GPR155: variants seen among roughly 807,000 people sequenced by gnomAD.
The protein encoded by GPR155 is G protein-coupled receptor 155.
GPR155 carries 65 observed loss-of-function variants against 93.1 expected under a neutral mutation model. The observed-to-expected ratio is 0.70, with a 90% CI of 0.57 to 0.86. The LOEUF is 0.86. Among genes scored for constraint, GPR155 ranks in the 40% least tolerant of loss-of-function variants. The pLI is 0.00. For missense variants in GPR155, 838 were observed against 1,034.8 expected (o/e 0.81, Z 2.61); for synonymous variants, 319 against 360.1 (o/e 0.89, Z 1.29).
Position 174,469,068 on chromosome 2 carries a change from C to A in GPR155, c.1027-1G>T. The A allele has an allele frequency of 1.2e-6, 2 of 1,612,750 alleles. No individual in the cohort carries two copies. The highest frequency in any genetic ancestry group is 1.7e-6 in the Non-Finnish European group (2 of 1,179,234). On this transcript the variant is annotated splice_acceptor_variant, in intron 4 of 15. Transcript: ENST00000392552. LOFTEE classifies it high-confidence loss of function. ...TGCTTATCACCATCCCTGAGGTTAT[C>A]TGCAAAAATGAAATCAAACAGAGGA...
chr2:174,459,821 G>A, intron 10 of GPR155, 57 bp downstream of exon 10: 2 of 1,321,040 alleles, frequency 1.5e-6, no homozygotes, highest in South Asian at 2.5e-5. Flanking sequence ...CTCCAGCCGG[G>A]ATGATAGAGC....
intron 2 of GPR155, among the ~76,000 whole-genome samples, chr2:174,475,294 C>A (rs1490943886): frequency 4.7e-5 from 3 of 64,314 alleles, no homozygotes; most frequent in East Asian, 5.2e-4. Flanking sequence ...GACTCCGTCT[C>A]AAAAAAAAAA....
In GPR155 at chr2:174,431,696, T is replaced by TA. The variant is rs1686649384; in HGVS notation, c.*4419dup. On this transcript the variant is annotated 3_prime_UTR_variant, in exon 16 of 16. Transcript: ENST00000392552. ...CTCCAGCCATCACTCATGACAGGACTACCTATGTGCAGTGGCCTAAAGTAA... is the reference window on the plus strand; with the variant it reads ...CTCCAGCCATCACTCATGACAGGACTAACCTATGTGCAGTGGCCTAAAGTAA... 6.6e-6 allele frequency: 1 copy of TA among 152,214 alleles called. No homozygotes were observed. Among genetic ancestry groups the TA allele is most frequent in the African/African-American group, 2.4e-5 (1 of 41,460 alleles). 9.4% of individuals were successfully genotyped at this position (152,214 alleles called of 1,614,324 possible). A position where few individuals can be genotyped will look rare whatever the true frequency, so the allele number is the denominator to read the frequency against.
rs766535261 is a variant in GPR155, at chr2:174,481,468, A to C, written c.460+29T>G. The C allele has an allele frequency of 3.0e-6, 4 of 1,327,040 alleles. No individual in the cohort carries two copies. The South Asian group carries it at 5.5e-5, about 18-fold the overall frequency. 82.2% of individuals were successfully genotyped at this position (1,327,040 alleles called of 1,614,324 possible). A position where few individuals can be genotyped will look rare whatever the true frequency, so the allele number is the denominator to read the frequency against. ...TAAATAAATTAAAATTGAATTTTTTAAACACTTGAAAAATAAAAATTAACT... is the reference window on the plus strand; with the variant it reads ...TAAATAAATTAAAATTGAATTTTTTCAACACTTGAAAAATAAAAATTAACT... On this transcript the variant is annotated intron_variant, in intron 2 of 15. Coordinates refer to ENST00000392552, the MANE Select transcript of GPR155 (RefSeq NM_152529.7).
At chr2:174,445,020 C>A in intron 13 of GPR155, 61 bp downstream of exon 13, 2 of 812,218 alleles carry the variant, frequency 2.5e-6, no homozygotes, top group South Asian at 2.8e-5. Context: ...TCCCCCGACC[C>A]CCTACCAATC....
intron 1 of GPR155, 90 bp downstream of exon 1, chr2:174,486,783 C>G (rs1317582975): frequency 6.5e-6 from 1 of 153,216 alleles, no homozygotes; most frequent in Admixed American, 6.5e-5. Context: ...TGCCCACGTG[C>G]CCAGGCCTGA....
chr2:174,481,378 A>G (rs1249062282), intron 2 of GPR155, 119 bp downstream of exon 2: 2 of 633,396 alleles, frequency 3.2e-6, no homozygotes, highest in Middle Eastern at 8.5e-4. Context: ...ATCCTAAGAC[A>G]TATTTGAGAA....
rs1311585851 is a variant in GPR155 at position 174,436,053 on chromosome 2, A to G, written c.*63T>C. ...TCTGTTAACTTGCCCAAGGTCACCC[A>G]GCTAAAAACTAATGAATACGCGGCT... On this transcript the variant is annotated 3_prime_UTR_variant, in exon 16 of 16. Coordinates refer to ENST00000392552, the MANE Select transcript of GPR155 (RefSeq NM_152529.7). 2.1e-6 allele frequency: 3 copies of G among 1,404,798 alleles called. No homozygotes were observed. In the East Asian group the frequency reaches 6.9e-5, roughly 32 times the overall value. The allele number at this position is 1,404,798 out of a possible 1,614,324, so 87.0% of individuals were successfully genotyped here. A position where few individuals can be genotyped will look rare whatever the true frequency, so the allele number is the denominator to read the frequency against.
chr2:174,440,056 CA>C, intron 14 of GPR155, 21 bp from the exon 15 acceptor site: 1 of 1,601,148 alleles, frequency 6.2e-7, no homozygotes, highest in Admixed American at 1.7e-5. Flanking sequence ...AATTTATGGC[CA>C]TTTTTAAGGA....
At position 174,477,626 on chromosome 2, in the gene GPR155, C is replaced by T. The variant is rs1248105853; in HGVS notation, c.460+3871G>A. On this transcript the variant is annotated intron_variant, in intron 2 of 15. Coordinates refer to ENST00000392552, the MANE Select transcript of GPR155 (RefSeq NM_152529.7). Reference sequence around the variant, plus strand: ...TTCATTTGCATAATTAACATTACATCTTTATCTATAAATTGGCAGTGCTTT... The same window carrying T: ...TTCATTTGCATAATTAACATTACATTTTTATCTATAAATTGGCAGTGCTTT... Among the ~76,000 whole-genome samples, 2 of 152,088 alleles carry T rather than the reference C, an allele frequency of 1.3e-5. 1 individual carries two copies. The highest frequency in any genetic ancestry group is 4.1e-4 in the South Asian group (2 of 4,832).
intron 11 of GPR155, among the ~76,000 whole-genome samples, chr2:174,453,282 C>G (rs952941530): frequency 9.2e-5 from 14 of 152,148 alleles, no homozygotes; most frequent in African/African-American, 3.4e-4. Context: ...ATTAGCACTT[C>G]TTTGCTCTTA....
chr2:174,453,316 T>C (rs946965706), intron 11 of GPR155, among the ~76,000 whole-genome samples: 4 of 152,220 alleles, frequency 2.6e-5, no homozygotes, highest in African/African-American at 9.6e-5. Context: ...ATTCTTGATG[T>C]TTGTAACTTC....
chr2:174,439,761 T>C (rs1011109141), intron 15 of GPR155, 137 bp downstream of exon 15: 2 of 670,632 alleles, frequency 3.0e-6, no homozygotes, highest in Non-Finnish European at 5.0e-6. Flanking sequence ...TCATAATTCC[T>C]GTAACTTTTA....
chr2:174,435,326 C>G lies in GPR155; in HGVS notation c.*790G>C, dbSNP rs1041621938. On this transcript the variant is annotated 3_prime_UTR_variant, in exon 16 of 16. Transcript: ENST00000392552. ...ACAGACTGTTTTTCTTATTGTTATTCCCTAAACAATACAGTATAACAACAA... is the reference window on the plus strand; with the variant it reads ...ACAGACTGTTTTTCTTATTGTTATTGCCTAAACAATACAGTATAACAACAA... The G allele has an allele frequency of 3.9e-5, 6 of 151,942 alleles. No homozygotes were observed. The highest frequency in any genetic ancestry group is 7.3e-5 in the African/African-American group (3 of 41,354). The allele number at this position is 151,942 out of a possible 1,614,324, so 9.4% of individuals were successfully genotyped here.
chr2:174,476,844 G>T (rs779063424), intron 2 of GPR155, among the ~76,000 whole-genome samples: 1 of 151,882 alleles, frequency 6.6e-6, no homozygotes, highest in Non-Finnish European at 1.5e-5. Flanking sequence ...ACTACTTAAG[G>T]CCTGTCTCTG....
intron 10 of GPR155, among the ~76,000 whole-genome samples, chr2:174,455,458 C>T (rs1687489580): frequency 6.6e-6 from 1 of 152,200 alleles, no homozygotes; most frequent in Non-Finnish European, 1.5e-5. Flanking sequence ...AAGGCCCTTG[C>T]AGCCTCTGAA....
intron 3 of GPR155, among the ~76,000 whole-genome samples, chr2:174,471,671 G>A (rs1688002933): frequency 6.6e-6 from 1 of 152,068 alleles, no homozygotes; most frequent in African/African-American, 2.4e-5. Context: ...TTTCACAGCA[G>A]CACCTAGCAA....
chr2:174,451,982 A>G (rs1220141199), intron 11 of GPR155, among the ~76,000 whole-genome samples: 4 of 152,320 alleles, frequency 2.6e-5, no homozygotes, highest in African/African-American at 9.6e-5. Context: ...AAAATGACAG[A>G]TAAGCAAAGC....
intron 4 of GPR155, 131 bp downstream of exon 4, chr2:174,470,259 G>A: frequency 2.8e-6 from 2 of 719,130 alleles, no homozygotes; most frequent in Non-Finnish European, 4.4e-6. Context: ...ACCAGCCTGG[G>A]GCAACATAGT....
Sources: allele counts gnomAD v4.1 joint callset (sites outside exome capture counted in the v4.1 genomes callset), GRCh38; gene constraint gnomAD v4.1.1; transcripts MANE v1.5; gene names NCBI Gene and HGNC (gene_info 2026-07-23, HGNC 2026-07-21).